The following CATIP variants were observed in gnomAD, a reference collection of about 807,000 sequenced individuals.
CATIP encodes ciliogenesis associated TTC17 interacting protein.
CATIP carries 40 observed loss-of-function variants against 42.5 expected under a neutral mutation model. That is an observed-to-expected ratio of 0.94 (90% confidence interval 0.73 to 1.22). The LOEUF (loss-of-function observed/expected upper bound fraction) is 1.22. Ranked by LOEUF, CATIP falls within the 50% of genes most tolerant of loss-of-function variation. The pLI is 0.00. For missense variants in CATIP, 489 were observed against 496.0 expected, an observed-to-expected ratio of 0.99 and a Z score of 0.13; for synonymous variants, 222 against 200.2, an observed-to-expected ratio of 1.11 and a Z score of -0.92.
In CATIP at chr2:218,367,756, G is replaced by T; in HGVS notation, c.956G>T (p.Arg319Leu). ...CGGCTCGGCCACGCCAGCTATCTGCGGCAGCACCCCGAAGCCCACGCGCTC... is the reference window on the plus strand; with the variant it reads ...CGGCTCGGCCACGCCAGCTATCTGCTGCAGCACCCCGAAGCCCACGCGCTC... Reference protein sequence around the residue: ...ELRLGHASYLRQHPEAHALIS... With the variant: ...ELRLGHASYLLQHPEAHALIS... The change falls in exon 10 of 10, where the codon CGG becomes CTG. Residue 319 changes from arginine (R) to leucine (L), a missense_variant. Transcript: ENST00000289388. 6.2e-7 allele frequency: 1 copy of T among 1,608,904 alleles called. No individual in the cohort carries two copies. The highest frequency in any genetic ancestry group is 1.1e-5 in the South Asian group (1 of 90,786).
chr2:218,367,947 C>T lies in CATIP; in HGVS notation c.1147C>T (p.Arg383Cys), dbSNP rs779215550. The T allele has an allele frequency of 1.9e-6, 3 of 1,589,756 alleles. No individual in the cohort carries two copies. The highest frequency in any genetic ancestry group is 1.7e-6 in the Non-Finnish European group (2 of 1,171,520). ...CTCCCTGGAGCCGGAGGGAGACGCC[C>T]GCTCGGGGGCGGCCTAAGCGGGGCC... Reference protein sequence around the residue: ...FRSLEPEGDARSGAA With the variant: ...FRSLEPEGDACSGAA The change falls in exon 10 of 10, where the codon CGC becomes TGC. Residue 383 changes from arginine (R) to cysteine (C), a missense_variant. Transcript: ENST00000289388.
At chr2:218,363,491 A>T (rs12694434) in intron 6 of CATIP, among the ~76,000 whole-genome samples, 1 of 146,972 alleles carries the variant, frequency 6.8e-6, no homozygotes, top group African/African-American at 2.5e-5. Flanking sequence ...GTCTCAAAAA[A>T]AAAAAACAAA....
intron 6 of CATIP, 73 bp downstream of exon 6, chr2:218,362,975 G>C: frequency 6.9e-7 from 1 of 1,451,150 alleles, no homozygotes; most frequent in Non-Finnish European, 9.3e-7. Flanking sequence ...ACTGAGATGG[G>C]GAACAGCTGT....
chr2:218,367,950 T>C lies in CATIP; in HGVS notation c.1150T>C (p.Ser384Pro). 2 of 1,589,294 alleles carry C rather than the reference T, an allele frequency of 1.3e-6. No homozygotes were observed. The highest frequency in any genetic ancestry group is 1.7e-6 in the Non-Finnish European group (2 of 1,171,416). ...RSLEPEGDAR[S>P]GAA ...CCTGGAGCCGGAGGGAGACGCCCGC[T>C]CGGGGGCGGCCTAAGCGGGGCCCAG... Residue 384 changes from serine (S) to proline (P), a missense_variant, in exon 10 of 10, where the codon TCG becomes CCG. Ser to Pro is a moderately conservative substitution (Grantham distance 74). Coordinates refer to ENST00000289388, the MANE Select transcript of CATIP (RefSeq NM_198559.2).
At chr2:218,364,569 G>A (rs1264737706) in intron 6 of CATIP, 59 bp from the exon 7 acceptor site, 14 of 1,596,568 alleles carry the variant, frequency 8.8e-6, no homozygotes, top group Non-Finnish European at 1.1e-5. Context: ...GTAAGATGAT[G>A]GGGAGCCCTT....
rs865811462 is a variant in CATIP, at chr2:218,357,528, C to G, written c.119-6C>G. On this transcript the variant is annotated splice_region_variant and splice_polypyrimidine_tract_variant and intron_variant, in intron 2 of 9. Coordinates refer to ENST00000289388, the MANE Select transcript of CATIP (RefSeq NM_198559.2). ...TTTATCTGTTCCCACGGGCCCCTCA[C>G]CCCAGACAAGGAGGAGCTACAGATG... The G allele has an allele frequency of 6.2e-7, 1 of 1,612,976 alleles. No individual in the cohort carries two copies.
chr2:218,363,699 G>A (rs1037858299), intron 6 of CATIP, among the ~76,000 whole-genome samples: 1 of 151,512 alleles, frequency 6.6e-6, no homozygotes, highest in African/African-American at 2.4e-5. Context: ...CCAGCTACTC[G>A]GGAGGCTGAG....
At chr2:218,358,684 T>C (rs1461837073) in intron 4 of CATIP, among the ~76,000 whole-genome samples, 1 of 151,846 alleles carries the variant, frequency 6.6e-6, no homozygotes, top group Admixed American at 6.6e-5. Context: ...CTGGGCAACA[T>C]GGCAAAACCC....
rs76477886 is a variant in CATIP, at chr2:218,361,880, C to T, written c.463-855C>T. 1.7e-3 allele frequency among the ~76,000 whole-genome samples: 260 copies of T among 152,244 alleles called. 2 individuals carry two copies. Among genetic ancestry groups the T allele is most frequent in the African/African-American group, 6.0e-3 (249 of 41,554 alleles). The stretch of plus-strand genomic sequence containing the variant: ...AGATGAAGCCAGGAGTCCAGACTAA[C>T]GATTCATTCATTAGGCTGGGCGCGG... On this transcript the variant is annotated intron_variant, in intron 5 of 9. Coordinates refer to ENST00000289388, the MANE Select transcript of CATIP (RefSeq NM_198559.2).
intron 6 of CATIP, among the ~76,000 whole-genome samples, chr2:218,364,399 T>A (rs1010536341): frequency 6.6e-6 from 1 of 152,136 alleles, no homozygotes; most frequent in African/African-American, 2.4e-5. Flanking sequence ...TAACAGAATT[T>A]GCCAACTAGA....
intron 3 of CATIP, 95 bp from the exon 4 acceptor site, chr2:218,357,942 T>C: frequency 8.0e-7 from 1 of 1,249,662 alleles, no homozygotes; most frequent in Non-Finnish European, 1.2e-6. Flanking sequence ...GGGACCGTAT[T>C]ACACCTAGTC....
intron 5 of CATIP, among the ~76,000 whole-genome samples, chr2:218,361,193 C>G (rs115400002): frequency 0.012 from 1,791 of 152,060 alleles, 42 homozygotes; most frequent in African/African-American, 0.041. Flanking sequence ...GTAAGATGTA[C>G]ACTGGTTCAC....
intron 4 of CATIP, among the ~76,000 whole-genome samples, chr2:218,359,255 T>C (rs929623172): frequency 6.7e-6 from 1 of 148,834 alleles, no homozygotes; most frequent in Non-Finnish European, 1.5e-5. Flanking sequence ...GACAGGAGAA[T>C]TGCTTGAACC....
chr2:218,359,748 A>G (rs1407076714), intron 4 of CATIP, among the ~76,000 whole-genome samples: 1 of 151,722 alleles, frequency 6.6e-6, no homozygotes, highest in African/African-American at 2.4e-5. Flanking sequence ...TCATAACACG[A>G]CTGCTATTCT....
At chr2:218,361,981 C>T (rs1433652266) in intron 5 of CATIP, among the ~76,000 whole-genome samples, 4 of 151,418 alleles carry the variant, frequency 2.6e-5, no homozygotes, top group Non-Finnish European at 2.9e-5. Flanking sequence ...TCGAGACTTG[C>T]CTGGGCAATA....
Position 218,367,702 on chromosome 2 carries a change from C to A in CATIP, c.922-20C>A. The A allele has an allele frequency of 6.3e-7, 1 of 1,583,926 alleles. No individual in the cohort carries two copies. Among genetic ancestry groups the A allele is most frequent in the Non-Finnish European group, 8.6e-7 (1 of 1,168,838 alleles). ...GCGGGGGTCCCGTCCGGCTGAGGCT[C>A]GGGCTCTGTCCCCTGCCAGGAGGAG... On this transcript the variant is annotated intron_variant, in intron 9 of 9. Coordinates refer to ENST00000289388, the MANE Select transcript of CATIP (RefSeq NM_198559.2).
chr2:218,360,391 C>T (rs959704865), intron 4 of CATIP, among the ~76,000 whole-genome samples, 182 bp from the exon 5 acceptor site: 10 of 152,262 alleles, frequency 6.6e-5, no homozygotes, highest in Middle Eastern at 3.4e-3. Context: ...ACCTCGTGAT[C>T]CGCCCACCTC....
rs749906482 is a variant in CATIP, at chr2:218,367,925, C to T, written c.1125C>T (p.Ser375=). ...CCCACCGGCCCAACCCTTTCCGCTC[C>T]CTGGAGCCGGAGGGAGACGCCCGCT... The part of the protein sequence containing the change: ...GSSHRPNPFR[S]LEPEGDARSG... The change falls in exon 10 of 10, where the codon TCC becomes TCT. Residue 375 remains serine, a synonymous_variant. Transcript: ENST00000289388. 45 of 1,608,474 alleles carry T rather than the reference C, an allele frequency of 2.8e-5. No homozygotes were observed. The African/African-American group carries it at 3.1e-4, about 11-fold the overall frequency.
intron 7 of CATIP, 101 bp from the exon 8 acceptor site, chr2:218,366,923 C>T: frequency 3.3e-6 from 3 of 903,216 alleles, no homozygotes; most frequent in Non-Finnish European, 5.5e-6. Context: ...CCCAAAGCCC[C>T]TACCTCCAAA....
Sources: allele counts gnomAD v4.1 joint callset (sites outside exome capture counted in the v4.1 genomes callset), GRCh38; gene constraint gnomAD v4.1.1; transcripts MANE v1.5; gene names NCBI Gene and HGNC (gene_info 2026-07-23, HGNC 2026-07-21).